The following IMMP1L variants were observed in gnomAD, a reference collection of about 807,000 sequenced individuals.
IMMP1L encodes the protein mitochondrial inner membrane protease subunit 1.
A neutral mutation model predicts 21.8 loss-of-function variants in IMMP1L; 24 were observed. The observed-to-expected ratio is 1.10, with a 90% CI of 0.80 to 1.55. IMMP1L has a LOEUF of 1.55. IMMP1L is among the 40% of genes most tolerant of loss of function. IMMP1L has a pLI of 0.00. For synonymous variants in IMMP1L, 46 were observed against 62.8 expected, an observed-to-expected ratio of 0.73 and a Z score of 1.26; for missense variants, 195 against 200.7, an observed-to-expected ratio of 0.97 and a Z score of 0.17.
At chr11:31,490,248 T>C (rs1955210605) in intron 1 of IMMP1L, among the ~76,000 whole-genome samples, 1 of 152,008 alleles carries the variant, frequency 6.6e-6, no homozygotes, top group East Asian at 1.9e-4. Flanking sequence ...CCAAGGTGGG[T>C]GGATCACGAG....
intron 1 of IMMP1L, among the ~76,000 whole-genome samples, chr11:31,464,058 C>T (rs913747845): frequency 3.9e-5 from 6 of 152,154 alleles, no homozygotes; most frequent in South Asian, 2.1e-4. Context: ...TCATGCATTT[C>T]TTAACTAATA....
chr11:31,456,259 C>T lies in IMMP1L; in HGVS notation c.321+1G>A, dbSNP rs1439616270. 1.3e-6 allele frequency: 2 copies of T among 1,582,740 alleles called. No homozygotes were observed. The highest frequency in any genetic ancestry group is 2.3e-5 in the South Asian group (2 of 86,822). On this transcript the variant is annotated splice_donor_variant, in intron 4 of 5. Coordinates refer to ENST00000532287, the MANE Select transcript of IMMP1L (RefSeq NM_001304274.2). LOFTEE classifies it high-confidence loss of function. ...AATAACATAATTGAAATGTTACTTA[C>T]ATAACTATGGCTTTTAAAGAAATCT...
chr11:31,495,220 C>A (rs1311373250), intron 1 of IMMP1L, among the ~76,000 whole-genome samples: 1 of 152,194 alleles, frequency 6.6e-6, no homozygotes, highest in Non-Finnish European at 1.5e-5. Context: ...CAACAAGTCT[C>A]CAAGAAGTTC....
chr11:31,467,425 G>A (rs1954395083), intron 1 of IMMP1L, among the ~76,000 whole-genome samples: 1 of 152,030 alleles, frequency 6.6e-6, no homozygotes, highest in South Asian at 2.1e-4. Flanking sequence ...CTCAAAGACT[G>A]GTGCAAACAA....
chr11:31,463,056 TCA>T (rs377004530), intron 2 of IMMP1L, 114 bp downstream of exon 2: 6 of 736,774 alleles, frequency 8.1e-6, no homozygotes, highest in Admixed American at 3.4e-5. Context: ...GTTTTAACTT[TCA>T]CAGTTTAGTC....
At chr11:31,464,474 CA>C (rs1165454797) in intron 1 of IMMP1L, among the ~76,000 whole-genome samples, 2 of 152,054 alleles carry the variant, frequency 1.3e-5, no homozygotes, top group Admixed American at 1.3e-4. Context: ...ATGCCCAAAC[CA>C]GATGCAGGAA....
intron 4 of IMMP1L, among the ~76,000 whole-genome samples, chr11:31,450,567 G>A (rs1591961704): frequency 6.6e-6 from 1 of 152,326 alleles, no homozygotes; most frequent in African/African-American, 2.4e-5. Context: ...TACACCGTAA[G>A]AGGAACATTC....
intron 1 of IMMP1L, among the ~76,000 whole-genome samples, chr11:31,499,396 A>C (rs370372296): frequency 1.1e-4 from 14 of 124,438 alleles, no homozygotes; most frequent in African/African-American, 5.0e-4. Context: ...CAAAACAAAA[A>C]ACACTACACT....
At chr11:31,483,707 C>T (rs1049099626) in intron 1 of IMMP1L, among the ~76,000 whole-genome samples, 7 of 151,936 alleles carry the variant, frequency 4.6e-5, no homozygotes, top group Non-Finnish European at 8.8e-5. Context: ...CGTTTTCACT[C>T]TTCCTCCCAA....
At chr11:31,443,976 G>T (rs146612029) in intron 4 of IMMP1L, among the ~76,000 whole-genome samples, 2 of 152,048 alleles carry the variant, frequency 1.3e-5, no homozygotes, top group Non-Finnish European at 2.9e-5. Flanking sequence ...GCTCATTCTC[G>T]TGGCGATTGC....
At chr11:31,455,592 C>T (rs1039873546) in intron 4 of IMMP1L, among the ~76,000 whole-genome samples, 1 of 152,154 alleles carries the variant, frequency 6.6e-6, no homozygotes, top group African/African-American at 2.4e-5. Flanking sequence ...TGTCAGACTT[C>T]CCCCTAATAG....
intron 4 of IMMP1L, among the ~76,000 whole-genome samples, chr11:31,454,472 A>C (rs1953872626): frequency 1.3e-5 from 2 of 151,296 alleles, no homozygotes; most frequent in Admixed American, 1.3e-4. Context: ...AAAAAAAAAA[A>C]AAACTGAAAG....
intron 1 of IMMP1L, among the ~76,000 whole-genome samples, chr11:31,490,832 ATAG>A (rs1955230055): frequency 6.6e-6 from 1 of 152,210 alleles, no homozygotes; most frequent in South Asian, 2.1e-4. Flanking sequence ...ATGTGAGATC[ATAG>A]TAGATTACAA....
At chr11:31,443,732 T>C (rs1365528150) in intron 4 of IMMP1L, among the ~76,000 whole-genome samples, 1 of 152,212 alleles carries the variant, frequency 6.6e-6, no homozygotes. Flanking sequence ...GCCTCATTGC[T>C]GTCCTATCTA....
chr11:31,452,254 C>T, intron 4 of IMMP1L: 1 of 984,748 alleles, frequency 1.0e-6, no homozygotes, highest in Non-Finnish European at 1.2e-6. Flanking sequence ...TTCAAAATGC[C>T]TATTTCATAG....
intron 2 of IMMP1L, 128 bp downstream of exon 2, chr11:31,463,042 TTA>T: frequency 1.5e-6 from 1 of 676,602 alleles, no homozygotes; most frequent in South Asian, 2.4e-5. Flanking sequence ...TAGAAAGATT[TTA>T]TGTTTTAACT....
At chr11:31,483,935 T>C (rs1954983763) in intron 1 of IMMP1L, among the ~76,000 whole-genome samples, 4 of 151,882 alleles carry the variant, frequency 2.6e-5, no homozygotes, top group Admixed American at 2.0e-4. Context: ...AGAATCAATA[T>C]GATTTATAAT....
At position 31,460,615 on chromosome 11, in the gene IMMP1L, C is replaced by G. The variant is rs997767519; in HGVS notation, c.194+11G>C. 1.4e-5 allele frequency: 21 copies of G among 1,536,878 alleles called. No individual in the cohort carries two copies. The highest frequency in any genetic ancestry group is 1.7e-5 in the Non-Finnish European group (19 of 1,110,984). ...CACTGTAAATTTAATATATCCATGA[C>G]AGAAATTTACCTTTGGATACCATAA... On this transcript the variant is annotated intron_variant, in intron 3 of 5. Transcript: ENST00000532287.
chr11:31,472,442 C>T (rs1024582328), intron 1 of IMMP1L, among the ~76,000 whole-genome samples: 2 of 152,308 alleles, frequency 1.3e-5, no homozygotes, highest in East Asian at 3.9e-4. Context: ...CTCTTGGTGA[C>T]CAATGGCCAT....
Sources: allele counts gnomAD v4.1 joint callset (sites outside exome capture counted in the v4.1 genomes callset), GRCh38; gene constraint gnomAD v4.1.1; transcripts MANE v1.5; gene names NCBI Gene and HGNC (gene_info 2026-07-23, HGNC 2026-07-21).